AKNA: variants seen among roughly 807,000 people sequenced by gnomAD.
AKNA encodes AT-hook transcription factor.
A neutral mutation model predicts 138.8 loss-of-function variants in AKNA; 67 were observed. The observed-to-expected ratio is 0.48, with a 90% CI of 0.40 to 0.59. The LOEUF is 0.59. Ranked by LOEUF, AKNA falls within the 20% of genes least tolerant of loss-of-function variation. The probability of loss-of-function intolerance (pLI) is 0.00; values close to 1 mark genes in which losing one functional copy is unlikely to be tolerated. For synonymous variants in AKNA, 737 were observed against 754.4 expected (o/e 0.98, Z 0.38); for missense variants, 1,813 against 1,880.4 (o/e 0.96, Z 0.66).
intron 7 of AKNA, 37 bp from the exon 8 acceptor site, chr9:114,362,570 A>G (rs755395991): frequency 1.9e-6 from 3 of 1,604,520 alleles, no homozygotes; most frequent in South Asian, 2.2e-5. Flanking sequence ...TTGAGTGCTC[A>G]GTCCCCGCGG....
At chr9:114,344,994 C>T (rs926603839) in intron 18 of AKNA, 1 of 151,772 alleles carries the variant, frequency 6.6e-6, no homozygotes, top group African/African-American at 2.4e-5. Flanking sequence ...GATGCCTTTA[C>T]TATAATTACC....
chr9:114,345,246 T>G (rs992141925), intron 18 of AKNA: 4 of 152,066 alleles, frequency 2.6e-5, no homozygotes, highest in Non-Finnish European at 2.9e-5. Context: ...CCAGCTAATT[T>G]TTTTTGCATG....
chr9:114,364,653 T>C, intron 6 of AKNA, 34 bp from the exon 7 acceptor site: 1 of 1,608,392 alleles, frequency 6.2e-7, no homozygotes, highest in Non-Finnish European at 8.5e-7. Flanking sequence ...ATATGCTCCA[T>C]TAATCCAGTC....
intron 1 of AKNA, chr9:114,383,056 T>C (rs1191040053): frequency 4.5e-6 from 2 of 446,350 alleles, no homozygotes; most frequent in African/African-American, 4.0e-5. Flanking sequence ...GGAGCAAGCC[T>C]ACCAGGGGCT....
chr9:114,366,018 C>A (rs1225561375), intron 6 of AKNA, among the ~76,000 whole-genome samples: 1 of 152,204 alleles, frequency 6.6e-6, no homozygotes, highest in Non-Finnish European at 1.5e-5. Flanking sequence ...GGAAACGAAG[C>A]CTGTAATCCC....
intron 15 of AKNA, chr9:114,348,890 G>A (rs1438235655): frequency 2.2e-6 from 1 of 456,318 alleles, no homozygotes; most frequent in African/African-American, 2.0e-5. Flanking sequence ...TTCTTGCCTG[G>A]TGGCCCCTGG....
chr9:114,367,810 C>A (rs1832474543), intron 5 of AKNA, 113 bp from the exon 6 acceptor site: 2 of 1,216,558 alleles, frequency 1.6e-6, no homozygotes, highest in South Asian at 1.6e-5. Flanking sequence ...AGCTCAGTCA[C>A]CATGTGCGAT....
At chr9:114,398,211 C>G (rs1431495190), upstream of AKNA, among the ~76,000 whole-genome samples, 1 of 152,168 alleles carries the variant, frequency 6.6e-6, no homozygotes, top group Non-Finnish European at 1.5e-5. The surrounding 1 kb of genome is among the most constrained non-coding windows in gnomAD (Gnocchi z 4.2). Flanking sequence ...GGACTGGGGC[C>G]CATACCGCCC....
chr9:114,350,089 T>C (rs1476802244), intron 15 of AKNA, among the ~76,000 whole-genome samples: 1 of 152,206 alleles, frequency 6.6e-6, no homozygotes. Flanking sequence ...AGGCCTAGGA[T>C]AGAGTCTTGT....
chr9:114,389,009 A>C (rs543045760), upstream of AKNA, among the ~76,000 whole-genome samples: 1 of 152,156 alleles, frequency 6.6e-6, no homozygotes, highest in South Asian at 2.1e-4. Flanking sequence ...TGGGGCCAAG[A>C]GTAATGGGTT....
intron 14 of AKNA, among the ~76,000 whole-genome samples, chr9:114,354,608 G>T (rs532532808): frequency 3.3e-5 from 5 of 151,742 alleles, no homozygotes; most frequent in African/African-American, 1.2e-4. Flanking sequence ...AGCTACTTGG[G>T]AGGCTGAGGC....
intron 1 of AKNA, 63 bp from the exon 2 acceptor site, chr9:114,381,509 A>T: frequency 7.8e-7 from 1 of 1,290,062 alleles, no homozygotes; most frequent in Non-Finnish European, 9.8e-7. Context: ...TATTCGGAAC[A>T]AGAAGTTACC....
Position 114,376,601 on chromosome 9 carries a change from C to T in AKNA, c.1206G>A (p.Glu402=), listed in dbSNP as rs766704609. Residue 402 remains glutamate (E), a synonymous_variant, in exon 3 of 22, where the codon GAG becomes GAA. Coordinates refer to ENST00000374088, the MANE Select transcript of AKNA (RefSeq NM_001317950.2). ...TGCTCAACAGCACCTCCTGCACAATCTCAGCTGGAGACTTGAAGATGAGGG... is the reference window on the plus strand; with the variant it reads ...TGCTCAACAGCACCTCCTGCACAATTTCAGCTGGAGACTTGAAGATGAGGG... ...ARPLIFKSPA[E]IVQEVLLSSG... The T allele has an allele frequency of 2.5e-6, 4 of 1,614,168 alleles. No homozygotes were observed. The South Asian group carries it at 4.4e-5, about 18-fold the overall frequency.
chr9:114,390,287 C>T (rs147314687), upstream of AKNA, among the ~76,000 whole-genome samples: 11 of 152,196 alleles, frequency 7.2e-5, no homozygotes, highest in East Asian at 2.1e-3. Context: ...TGTCCCCACC[C>T]ACAGGCCAAA....
At chr9:114,391,452 A>G (rs1834334765), upstream of AKNA, among the ~76,000 whole-genome samples, 1 of 152,188 alleles carries the variant, frequency 6.6e-6, no homozygotes, top group South Asian at 2.1e-4. Context: ...AAGTGGGGAG[A>G]ACACGAGTAT....
At chr9:114,376,353 C>T (rs752381851) in intron 3 of AKNA, 113 bp downstream of exon 3, 31 of 1,129,692 alleles carry the variant, frequency 2.7e-5, no homozygotes, top group Non-Finnish European at 3.7e-5. Context: ...GGCTCTATCC[C>T]AGGCCTCTCC....
chr9:114,347,849 C>T lies in AKNA; in HGVS notation c.3273G>A (p.Leu1091=), dbSNP rs1235822692. ...QEEVSRLRLR[L]EDSLHQPLQG... is the part of the protein sequence containing the mutation. ...GGAGTGGCTGGTGCAGGCTGTCTTC[C>T]AGCCGCAGACGAAGCCGGGACACCT... Residue 1091 remains leucine, a synonymous_variant, in exon 16 of 22, where the codon CTG becomes CTA. Coordinates refer to ENST00000374088, the MANE Select transcript of AKNA (RefSeq NM_001317950.2). The T allele has an allele frequency of 7.1e-6, 11 of 1,550,392 alleles. No individual in the cohort carries two copies. Among genetic ancestry groups the T allele is most frequent in the South Asian group, 1.2e-5 (1 of 83,782 alleles).
intron 4 of AKNA, among the ~76,000 whole-genome samples, chr9:114,369,445 A>G (rs947889364): frequency 1.3e-5 from 2 of 152,212 alleles, no homozygotes; most frequent in South Asian, 2.1e-4. Flanking sequence ...CATTGTCACA[A>G]TCTGGCCCTT....
At chr9:114,396,203 A>C (rs1317824815), upstream of AKNA, among the ~76,000 whole-genome samples, 1 of 152,182 alleles carries the variant, frequency 6.6e-6, no homozygotes, top group Non-Finnish European at 1.5e-5. Flanking sequence ...CTTGCAGTAA[A>C]AGCCCTGGCA....
Sources: gnomAD v4.1 joint callset for allele counts (sites outside exome capture counted in the v4.1 genomes callset) on GRCh38, gnomAD v4.1.1 for gene constraint, Gnocchi (gnomAD v3.1) non-coding constraint, MANE v1.5 for transcripts, NCBI Gene and HGNC (gene_info 2026-07-23, HGNC 2026-07-21) for gene names.